Variants in PDE1A observed in about 807,000 individuals in gnomAD.
The protein encoded by PDE1A is dual specificity calcium/calmodulin-dependent 3',5'-cyclic nucleotide phosphodiesterase 1A.
Under a neutral mutation model 61.7 loss-of-function variants are expected in PDE1A, and 35 were observed. That is an observed-to-expected ratio of 0.57 (90% CI 0.43 to 0.75). The LOEUF (loss-of-function observed/expected upper bound fraction) is 0.75, where lower values mean the gene tolerates loss of function less well. Among genes scored for constraint, PDE1A ranks in the 30% least tolerant of loss-of-function variants. The probability of loss-of-function intolerance (pLI) is 0.00; values close to 1 mark genes in which losing one functional copy is unlikely to be tolerated. For synonymous variants in PDE1A, 232 were observed against 213.2 expected (o/e 1.09, Z -0.77); for missense variants, 597 against 630.6 (o/e 0.95, Z 0.57).
chr2:182,714,919 T>C, the PDE1A span, among the ~76,000 whole-genome samples: 7 of 152,178 alleles, frequency 4.6e-5, no homozygotes, highest in Admixed American at 4.6e-4. Context: ...TCTCCAGTTT[T>C]GTATGCTTTG....
At chr2:182,499,237 C>T (rs1185229192) in intron 2 of PDE1A, among the ~76,000 whole-genome samples, 19 of 130,280 alleles carry the variant, frequency 1.5e-4, no homozygotes, top group Non-Finnish European at 2.8e-4. Flanking sequence ...AGTGCAGTGG[C>T]GCGATCTCGG....
chr2:182,516,702 G>GAGGAAGGAAGGA (rs199731099), intron 2 of PDE1A, among the ~76,000 whole-genome samples: 2,107 of 116,808 alleles, frequency 0.018, 44 homozygotes, highest in Middle Eastern at 0.066. Flanking sequence ...GGGAGGAAGG[G>GAGGAAGGAAGGA]AGGAAGGAAG....
At chr2:182,320,020 A>G (rs1696597717) in intron 1 of PDE1A, among the ~76,000 whole-genome samples, 1 of 152,124 alleles carries the variant, frequency 6.6e-6, no homozygotes, top group South Asian at 2.1e-4. Context: ...TATGTTGCCT[A>G]TATTCAGTGT....
chr2:182,498,746 C>G (rs1688882573), intron 2 of PDE1A, among the ~76,000 whole-genome samples: 1 of 151,748 alleles, frequency 6.6e-6, no homozygotes. Context: ...AGATCGAGAC[C>G]ATCCTGGCTA....
intron 1 of PDE1A, among the ~76,000 whole-genome samples, chr2:182,311,056 A>T (rs1695935629): frequency 6.6e-6 from 1 of 152,238 alleles, no homozygotes; most frequent in Admixed American, 6.5e-5. Flanking sequence ...ATCCTGCCTC[A>T]TCCGTGGGAA....
At chr2:182,492,744 CA>C (rs1461637279) in intron 2 of PDE1A, among the ~76,000 whole-genome samples, 1 of 152,080 alleles carries the variant, frequency 6.6e-6, no homozygotes, top group Non-Finnish European at 1.5e-5. Context: ...CTTTTGTGAA[CA>C]ATAAACTTTT....
intron 1 of PDE1A, among the ~76,000 whole-genome samples, chr2:182,383,715 T>A (rs1275754358): frequency 6.6e-6 from 1 of 151,902 alleles, no homozygotes; most frequent in African/African-American, 2.4e-5. Context: ...AGGTGAGAGA[T>A]CACAGTATCT....
At chr2:182,162,549 G>A (rs1016245392) in intron 13 of PDE1A, among the ~76,000 whole-genome samples, 4 of 152,156 alleles carry the variant, frequency 2.6e-5, no homozygotes, top group African/African-American at 9.7e-5. Context: ...AGCCCTTTAA[G>A]TGAAGGGGAG....
downstream of PDE1A, among the ~76,000 whole-genome samples, chr2:182,146,742 G>A (rs745627026): frequency 2.6e-5 from 4 of 151,988 alleles, no homozygotes; most frequent in South Asian, 2.1e-4. Context: ...CCTTGGCCTC[G>A]CAAAGTGCTG....
At chr2:182,307,465 C>T (rs914706892) in intron 1 of PDE1A, among the ~76,000 whole-genome samples, 5 of 152,048 alleles carry the variant, frequency 3.3e-5, no homozygotes, top group East Asian at 1.9e-4. Context: ...GTTCCTTGAC[C>T]GATCCCAGCC....
At chr2:182,598,853 C>A in the PDE1A span, among the ~76,000 whole-genome samples, 1 of 152,348 alleles carries the variant, frequency 6.6e-6, no homozygotes, top group South Asian at 2.1e-4. Context: ...AACCACTTTA[C>A]TATGCTCCTG....
intron 1 of PDE1A, among the ~76,000 whole-genome samples, chr2:182,382,692 G>A (rs1421056753): frequency 8.3e-6 from 1 of 120,736 alleles, no homozygotes; most frequent in Non-Finnish European, 1.7e-5. Flanking sequence ...ACACAGCTTA[G>A]TTTACTGTTT....
At chr2:182,264,250 A>G in intron 2 of PDE1A, 51 bp downstream of exon 2, 3 of 1,277,126 alleles carry the variant, frequency 2.3e-6, no homozygotes, top group Non-Finnish European at 3.4e-6. Context: ...AAAGAGGAAG[A>G]AAAACGGGAG....
chr2:182,575,344 A>C, the PDE1A span, among the ~76,000 whole-genome samples: 2 of 151,974 alleles, frequency 1.3e-5, no homozygotes, highest in South Asian at 4.2e-4. Context: ...AGTCTGGGTC[A>C]ATCACCCCAG....
intron 2 of PDE1A, chr2:182,463,754 G>A (rs1421339356): frequency 1.3e-5 from 2 of 152,162 alleles, no homozygotes; most frequent in Non-Finnish European, 2.9e-5. Flanking sequence ...TGGTGTCCAA[G>A]TCCCTGTAAG....
chr2:182,210,083 T>C (rs890311338), intron 7 of PDE1A, among the ~76,000 whole-genome samples: 19 of 152,252 alleles, frequency 1.2e-4, no homozygotes, highest in African/African-American at 4.3e-4. Context: ...TTGGCAATTA[T>C]GAATAAAGCT....
downstream of PDE1A, chr2:182,167,875 A>G: frequency 9.7e-7 from 1 of 1,036,204 alleles, no homozygotes; most frequent in East Asian, 7.9e-5. Context: ...TAGAAAAGGG[A>G]CAATCTAAGG....
chr2:182,217,322 A>T (rs1212680806), intron 7 of PDE1A, among the ~76,000 whole-genome samples: 11 of 74,970 alleles, frequency 1.5e-4, no homozygotes, highest in Middle Eastern at 4.9e-3. Flanking sequence ...ACCCTAGAAG[A>T]AAACCTAGGC....
chr2:182,701,120 T>C, the PDE1A span, among the ~76,000 whole-genome samples: 12 of 149,148 alleles, frequency 8.0e-5, no homozygotes, highest in Middle Eastern at 3.7e-3. Context: ...CTGCAAGCTA[T>C]GCCTCCCAGG....
Sources: allele counts gnomAD v4.1 joint callset (sites outside exome capture counted in the v4.1 genomes callset), GRCh38; gene constraint gnomAD v4.1.1; transcripts MANE v1.5; gene names NCBI Gene and HGNC (gene_info 2026-07-23, HGNC 2026-07-21).